Variants in INKA2 observed in about 807,000 individuals in gnomAD.
The protein encoded by INKA2 is PAK4-inhibitor INKA2.
Under a neutral mutation model 9.8 loss-of-function variants are expected in INKA2, and 3 were observed. The ratio of observed to expected loss-of-function variants is 0.31; its 90% CI spans 0.14 to 0.79. The LOEUF is 0.79. Ranked by LOEUF, INKA2 falls within the 30% of genes least tolerant of loss-of-function variation. The pLI, the probability that INKA2 is intolerant of heterozygous loss-of-function variation, is 0.62. For synonymous variants in INKA2, 147 were observed against 143.3 expected, an observed-to-expected ratio of 1.03 and a Z score of -0.18; for missense variants, 392 against 384.4, an observed-to-expected ratio of 1.02 and a Z score of -0.17.
chr1:111,739,669 T>A (rs944562397), upstream of INKA2, among the ~76,000 whole-genome samples: 1 of 152,200 alleles, frequency 6.6e-6, no homozygotes, highest in African/African-American at 2.4e-5. Flanking sequence ...GTGACCCTCG[T>A]GTGGTCATAA....
At chr1:111,728,398 G>A (rs759988055) in intron 1 of INKA2, among the ~76,000 whole-genome samples, 2 of 152,060 alleles carry the variant, frequency 1.3e-5, no homozygotes, top group South Asian at 2.1e-4. Context: ...TTTAACAAAC[G>A]AGTAAGCTGG....
chr1:111,751,734 C>T (rs1289810213), intron 1 of INKA2, among the ~76,000 whole-genome samples: 3 of 152,198 alleles, frequency 2.0e-5, no homozygotes, highest in Non-Finnish European at 4.4e-5. Context: ...GTCCTCACCT[C>T]CAGACCTCCG....
intron 1 of INKA2, chr1:111,745,312 T>TG: frequency 7.9e-6 from 1 of 126,540 alleles, no homozygotes; most frequent in East Asian, 2.1e-4. Flanking sequence ...TTTTTTTTTT[T>TG]TTGAGACAGG....
rs1557907737 is a variant in INKA2 at position 111,726,400 on chromosome 1, A to AG, written c.*567dup. 1 of 257,918 alleles carries AG rather than the reference A, an allele frequency of 3.9e-6. No individual in the cohort carries two copies. The highest frequency in any genetic ancestry group is 7.3e-6 in the Non-Finnish European group (1 of 137,426). 16.0% of individuals were successfully genotyped at this position (257,918 alleles called of 1,614,324 possible). A position where few individuals can be genotyped will look rare whatever the true frequency, so the allele number is the denominator to read the frequency against. On this transcript the variant is annotated 3_prime_UTR_variant, in exon 2 of 2. Transcript: ENST00000357260. The stretch of plus-strand genomic sequence containing the variant: ...ATGGACTGAAACCTCCAAGGCAGAA[A>AG]GGGCTAGCAGGTCGGGTTTTGCCTC...
At chr1:111,743,321 C>T (rs78381335), upstream of INKA2, among the ~76,000 whole-genome samples, 1,202 of 152,262 alleles carry the variant, frequency 7.9e-3, 9 homozygotes, top group South Asian at 0.037. Context: ...GGGGTGGAAC[C>T]CTCAGAAGGT....
rs1662695955 is a variant in INKA2 at position 111,723,528 on chromosome 1, C to G, written c.*3440G>C. 1 of 183,026 alleles carries G rather than the reference C, an allele frequency of 5.5e-6. No homozygotes were observed. The highest frequency in any genetic ancestry group is 2.3e-5 in the African/African-American group (1 of 42,664). The allele number at this position is 183,026 out of a possible 1,614,324, so 11.3% of individuals were successfully genotyped here. On this transcript the variant is annotated 3_prime_UTR_variant, in exon 2 of 2. Coordinates refer to ENST00000357260, the MANE Select transcript of INKA2 (RefSeq NM_019099.5). The stretch of plus-strand genomic sequence containing the variant: ...TGGGCCAATCAGGTGGCCCTTGTAC[C>G]TGCCAGGGAAGTGGGGCAGGGTGGG...
rs1212086614 is a variant in INKA2 at position 111,727,025 on chromosome 1, G to A, written c.837C>T (p.Pro279=). 1 of 1,613,902 alleles carries A rather than the reference G, an allele frequency of 6.2e-7. No homozygotes were observed. The highest frequency in any genetic ancestry group is 8.5e-7 in the Non-Finnish European group (1 of 1,180,024). The change falls in exon 2 of 2, where the codon CCC becomes CCT. Residue 279 remains proline (P), a synonymous_variant. Coordinates refer to ENST00000357260, the MANE Select transcript of INKA2 (RefSeq NM_019099.5). ...RRGENPPTSC[P]KALEHSPSGF... is the part of the protein sequence containing the mutation. ...CTGAGGGTGAGTGCTCCAGGGCCTT[G>A]GGGCAGCTTGTGGGGGGATTCTCCC...
chr1:111,755,563 G>T, intron 1 of INKA2: 1 of 928,220 alleles, frequency 1.1e-6, no homozygotes, highest in Non-Finnish European at 1.6e-6. Flanking sequence ...CGCACCGGGC[G>T]CATCACAAAG....
In INKA2 at chr1:111,727,742, C is replaced by T. The variant is rs767553834; in HGVS notation, c.120G>A (p.Leu40=). 6.8e-6 allele frequency: 11 copies of T among 1,613,338 alleles called. No homozygotes were observed. In the African/African-American group the frequency reaches 1.5e-4, roughly 22 times the overall value. ...GCACCTGGAGGAGCTTCAGTTCTTG[C>T]AGTGCACCCATCATGCAGTTCATCT... is the stretch of plus-strand genomic sequence containing the variant. ...QDQMNCMMGA[L]QELKLLQVQT... Residue 40 remains leucine (L), a synonymous_variant, in exon 2 of 2, where the codon CTG becomes CTA. Transcript: ENST00000357260.
At chr1:111,730,975 C>T (rs148240153) in intron 1 of INKA2, among the ~76,000 whole-genome samples, 52 of 152,262 alleles carry the variant, frequency 3.4e-4, no homozygotes, top group Admixed American at 1.9e-3. Context: ...TTCGTTTCAC[C>T]CAGAGGCAAG....
upstream of INKA2, chr1:111,739,485 G>C (rs767738416): frequency 3.0e-5 from 40 of 1,345,274 alleles, no homozygotes; most frequent in Non-Finnish European, 3.6e-5. Context: ...GCTGTCTTCA[G>C]CCAATGGGCA....
upstream of INKA2, chr1:111,739,396 G>T (rs754954268): frequency 1.0e-4 from 151 of 1,481,746 alleles, no homozygotes; most frequent in Non-Finnish European, 1.3e-4. Flanking sequence ...ACTCAGAGTC[G>T]CTTCCCCAGC....
chr1:111,742,944 C>G (rs1402749759), upstream of INKA2, among the ~76,000 whole-genome samples: 1 of 152,240 alleles, frequency 6.6e-6, no homozygotes, highest in Non-Finnish European at 1.5e-5. Flanking sequence ...GGGGGGCAGT[C>G]TCTCTCTTGC....
At chr1:111,746,620 C>G (rs2101392717) in intron 1 of INKA2, 1 of 152,332 alleles carries the variant, frequency 6.6e-6, no homozygotes, top group Middle Eastern at 3.4e-3. Context: ...TGTGGCCTCA[C>G]AGAAAGACTG....
chr1:111,740,346 CCAATAGGCT>C, upstream of INKA2, among the ~76,000 whole-genome samples: 1 of 152,176 alleles, frequency 6.6e-6, no homozygotes. Context: ...GGAGTTGCGG[CCAATAGGCT>C]CGATAGGCCG....
intron 1 of INKA2, among the ~76,000 whole-genome samples, chr1:111,737,784 G>C (rs1182192762): frequency 6.6e-6 from 1 of 152,214 alleles, no homozygotes; most frequent in African/African-American, 2.4e-5. Context: ...AAGGGCTCCA[G>C]GAGGGAGGAC....
upstream of INKA2, among the ~76,000 whole-genome samples, chr1:111,741,737 T>G (rs185964789): frequency 3.3e-5 from 5 of 152,280 alleles, no homozygotes; most frequent in Admixed American, 2.6e-4. Flanking sequence ...TTGTTTTTGT[T>G]TTTTGAGACA....
At chr1:111,730,405 G>T (rs1419956589) in intron 1 of INKA2, among the ~76,000 whole-genome samples, 1 of 151,926 alleles carries the variant, frequency 6.6e-6, no homozygotes, top group East Asian at 1.9e-4. Flanking sequence ...CACAAATGTC[G>T]CATATCTTTC....
upstream of INKA2, among the ~76,000 whole-genome samples, chr1:111,742,352 C>T (rs1016686513): frequency 3.9e-5 from 6 of 151,964 alleles, no homozygotes; most frequent in East Asian, 1.9e-4. Context: ...TTTGGGAGGC[C>T]GAGGTGGGCA....
Sources: gnomAD v4.1 joint callset for allele counts (sites outside exome capture counted in the v4.1 genomes callset) on GRCh38, gnomAD v4.1.1 for gene constraint, MANE v1.5 for transcripts, NCBI Gene and HGNC (gene_info 2026-07-23, HGNC 2026-07-21) for gene names.